The following EPHB2 variants were observed in gnomAD, a reference collection of about 807,000 sequenced individuals.
The protein encoded by EPHB2 is EPH receptor B2.
In EPHB2, 18 loss-of-function variants were observed where a neutral mutation model predicts 96.4. The observed-to-expected ratio is 0.19, with a 90% CI of 0.13 to 0.28. EPHB2 has a LOEUF of 0.28. EPHB2 is among the 10% of genes least tolerant of loss of function. The probability of loss-of-function intolerance (pLI) is 1.00; values close to 1 mark genes in which losing one functional copy is unlikely to be tolerated. For missense variants in EPHB2, 989 were observed against 1,355.4 expected, an observed-to-expected ratio of 0.73 and a Z score of 4.25; for synonymous variants, 506 against 534.1, an observed-to-expected ratio of 0.95 and a Z score of 0.72.
intron 1 of EPHB2, among the ~76,000 whole-genome samples, chr1:22,772,712 T>C (rs1280874721): frequency 6.6e-6 from 1 of 152,192 alleles, no homozygotes; most frequent in African/African-American, 2.4e-5. Context: ...CTTGGCTTCT[T>C]TCTGGCTATA....
At position 22,858,240 on chromosome 1, in the gene EPHB2, A is replaced by G. The variant is rs1394687469; in HGVS notation, c.812-4797A>G. Among the ~76,000 whole-genome samples the G allele has an allele frequency of 6.6e-6, 1 of 152,040 alleles. No homozygotes were observed. Among genetic ancestry groups the G allele is most frequent in the African/African-American group, 2.4e-5 (1 of 41,420 alleles). ...GCAGTGAGTGAGAGGAGGAGGGGGA[A>G]GCGTCCAGGAGACCATCAGGACCAA... On this transcript the variant is annotated intron_variant, in intron 3 of 15. Transcript: ENST00000374630. This position sits in a 1 kb window ranked among gnomAD's most constrained non-coding sequence, Gnocchi z 7.7.
At chr1:22,870,574 C>G (rs969016361) in intron 5 of EPHB2, among the ~76,000 whole-genome samples, 4 of 152,134 alleles carry the variant, frequency 2.6e-5, no homozygotes, top group Non-Finnish European at 5.9e-5. Flanking sequence ...GGTGTTTAAG[C>G]TGAGGTCCGA....
intron 3 of EPHB2, among the ~76,000 whole-genome samples, chr1:22,799,002 G>T (rs1293972772): frequency 6.6e-6 from 1 of 152,222 alleles, no homozygotes; most frequent in Admixed American, 6.5e-5. Context: ...AAGCAAGTCC[G>T]AGCACACAGC....
intron 3 of EPHB2, among the ~76,000 whole-genome samples, chr1:22,787,507 T>C (rs1194793074): frequency 6.6e-6 from 1 of 152,104 alleles, no homozygotes; most frequent in East Asian, 1.9e-4. Context: ...CCTAGCACTT[T>C]GGGAGGCTGA....
intron 1 of EPHB2, among the ~76,000 whole-genome samples, chr1:22,761,610 A>G (rs1471344222): frequency 6.6e-6 from 1 of 152,214 alleles, no homozygotes; most frequent in Non-Finnish European, 1.5e-5. Context: ...AAAGTCTCAA[A>G]GTATAGCTGG....
chr1:22,825,233 G>A (rs149253757), intron 3 of EPHB2, among the ~76,000 whole-genome samples: 10 of 152,362 alleles, frequency 6.6e-5, no homozygotes, highest in African/African-American at 2.4e-4. Context: ...TGGATAGATG[G>A]TCAGAAGGAA....
Position 22,784,628 on chromosome 1 carries a change from C to G in EPHB2, c.363C>G (p.Asp121Glu), listed in dbSNP as rs781054820. ...FNLYYYEADF[D>E]SATKTFPNWM... ...TCTATTACTATGAGGCTGACTTTGA[C>G]TCGGCCACCAAGACCTTCCCCAACT... Residue 121 changes from aspartate to glutamate, a missense_variant, in exon 3 of 16, where the codon GAC becomes GAG. Physicochemically the swap from Asp to Glu is conservative, Grantham distance 45. Transcript: ENST00000374630. The surrounding 1 kb of genome is among the most constrained non-coding windows in gnomAD (Gnocchi z 5.1). 1 of 1,614,124 alleles carries G rather than the reference C, an allele frequency of 6.2e-7. No homozygotes were observed. The highest frequency in any genetic ancestry group is 1.7e-5 in the Admixed American group (1 of 60,026).
intron 5 of EPHB2, among the ~76,000 whole-genome samples, chr1:22,868,638 G>A (rs759511737): frequency 6.6e-6 from 1 of 152,092 alleles, no homozygotes; most frequent in Admixed American, 6.6e-5. Flanking sequence ...AAGGTGAAGT[G>A]TAGGAGCATG....
chr1:22,744,773 T>C (rs371433110), intron 1 of EPHB2, among the ~76,000 whole-genome samples: 6 of 151,076 alleles, frequency 4.0e-5, no homozygotes, highest in Non-Finnish European at 1.5e-5. Context: ...GGAGGATCGC[T>C]TGAGGCCAGT....
At chr1:22,911,152 AAAT>A (rs200261450) in intron 14 of EPHB2, among the ~76,000 whole-genome samples, 3,518 of 149,284 alleles carry the variant, frequency 0.024, 126 homozygotes, top group African/African-American at 0.084. Context: ...AAAAATAAAT[AAAT>A]AAATAAATAA....
chr1:22,842,364 G>A (rs939710998), intron 3 of EPHB2, among the ~76,000 whole-genome samples: 2 of 152,138 alleles, frequency 1.3e-5, no homozygotes, highest in African/African-American at 2.4e-5. Flanking sequence ...TCGCATTCGC[G>A]TGGGGTGTTA....
intron 6 of EPHB2, among the ~76,000 whole-genome samples, chr1:22,887,167 GT>G (rs942913530): frequency 4.6e-5 from 7 of 152,132 alleles, no homozygotes; most frequent in African/African-American, 1.7e-4. Context: ...AGAAAGCGGA[GT>G]TGATGAAAAT....
chr1:22,789,516 C>T (rs556939657), intron 3 of EPHB2, among the ~76,000 whole-genome samples: 2 of 152,188 alleles, frequency 1.3e-5, no homozygotes, highest in African/African-American at 2.4e-5. Context: ...CAGGGCACAG[C>T]GGGAGAGGGG....
chr1:22,799,852 G>T (rs1184663723), intron 3 of EPHB2, among the ~76,000 whole-genome samples: 2 of 152,202 alleles, frequency 1.3e-5, no homozygotes, highest in Non-Finnish European at 2.9e-5. Flanking sequence ...TTCCGCCCTG[G>T]GGTCTTTGCA....
At position 22,860,342 on chromosome 1, in the gene EPHB2, G is replaced by A. The variant is rs1403706307; in HGVS notation, c.812-2695G>A. Among the ~76,000 whole-genome samples the A allele has an allele frequency of 6.6e-6, 1 of 152,172 alleles. No homozygotes were observed. Among genetic ancestry groups the A allele is most frequent in the Admixed American group, 6.5e-5 (1 of 15,280 alleles). On this transcript the variant is annotated intron_variant, in intron 3 of 15. Coordinates refer to ENST00000374630, the MANE Select transcript of EPHB2 (RefSeq NM_017449.5). This position sits in a 1 kb window ranked among gnomAD's most constrained non-coding sequence, Gnocchi z 4.6. ...CCTAGTAATTGATTGGCTGTGGGGG[G>A]ACAGGGTGGAGAGTGATGCCACTTC...
chr1:22,921,193 G>A lies in EPHB2; in HGVS notation c.*7623G>A, dbSNP rs1439853747. On this transcript the variant is annotated 3_prime_UTR_variant, in exon 16 of 16. Coordinates refer to ENST00000374630, the MANE Select transcript of EPHB2 (RefSeq NM_017449.5). ...TCCTTCTCCTGAAGTGTCTGCCCCA[G>A]CCTGAGCTATGCAGACCGGAGCTCT... is the stretch of plus-strand genomic sequence containing the variant. 6.6e-6 allele frequency: 1 copy of A among 152,254 alleles called. No homozygotes were observed. Among genetic ancestry groups the A allele is most frequent in the African/African-American group, 2.4e-5 (1 of 41,458 alleles). 9.4% of individuals were successfully genotyped at this position (152,254 alleles called of 1,614,324 possible). A position where few individuals can be genotyped will look rare whatever the true frequency, so the allele number is the denominator to read the frequency against.
chr1:22,781,883 T>G (rs1644538179), intron 2 of EPHB2, among the ~76,000 whole-genome samples: 1 of 152,182 alleles, frequency 6.6e-6, no homozygotes, highest in African/African-American at 2.4e-5. Context: ...TATCTCCATT[T>G]TACAGATGAG....
intron 1 of EPHB2, among the ~76,000 whole-genome samples, chr1:22,772,385 G>A (rs1488959202): frequency 6.6e-6 from 1 of 152,176 alleles, no homozygotes; most frequent in Non-Finnish European, 1.5e-5. Context: ...GCCTCTGAGT[G>A]GTGGGAGGAC....
intron 1 of EPHB2, among the ~76,000 whole-genome samples, chr1:22,713,061 C>G (rs1020596509): frequency 2.6e-5 from 4 of 152,234 alleles, no homozygotes; most frequent in Admixed American, 2.0e-4. Context: ...TGGCCCTGGA[C>G]ACAGGGCTGG....
Sources: gnomAD v4.1 joint callset for allele counts (sites outside exome capture counted in the v4.1 genomes callset) on GRCh38, gnomAD v4.1.1 for gene constraint, Gnocchi (gnomAD v3.1) non-coding constraint, MANE v1.5 for transcripts, NCBI Gene and HGNC (gene_info 2026-07-23, HGNC 2026-07-21) for gene names.